MPP2: variants seen among roughly 807,000 people sequenced by gnomAD.
The protein encoded by MPP2 is MAGUK p55 scaffold protein 2.
Under a neutral mutation model 58.5 loss-of-function variants are expected in MPP2, and 42 were observed. The observed-to-expected ratio is 0.72, with a 90% CI of 0.56 to 0.93. The LOEUF is 0.93. MPP2 is among the 40% of genes least tolerant of loss of function. The pLI is 0.00. For missense variants in MPP2, 632 were observed against 760.4 expected (o/e 0.83, Z 1.99); for synonymous variants, 300 against 307.8 (o/e 0.97, Z 0.26).
chr17:43,895,055 G>C (rs2047787255), intron 3 of MPP2, among the ~76,000 whole-genome samples: 1 of 152,104 alleles, frequency 6.6e-6, no homozygotes, highest in South Asian at 2.1e-4. Flanking sequence ...CTGTGGGAAG[G>C]GAATGCAGTG....
chr17:43,876,214 C>T lies in MPP2; in HGVS notation c.*1593G>A, dbSNP rs1003250889. 17 of 152,592 alleles carry T rather than the reference C, an allele frequency of 1.1e-4. No individual in the cohort carries two copies. 9.5% of individuals were successfully genotyped at this position (152,592 alleles called of 1,614,324 possible). ...CTTCCCCTTCCCTAGGAAATGGGCACACAGTGGTTCAGGGGCCAGCTTTGG... is the reference window on the plus strand; with the variant it reads ...CTTCCCCTTCCCTAGGAAATGGGCATACAGTGGTTCAGGGGCCAGCTTTGG... On this transcript the variant is annotated 3_prime_UTR_variant, in exon 13 of 13. Transcript: ENST00000269095.
At chr17:43,902,549 T>C (rs1287658343) in intron 2 of MPP2, among the ~76,000 whole-genome samples, 1 of 152,158 alleles carries the variant, frequency 6.6e-6, no homozygotes, top group Non-Finnish European at 1.5e-5. Flanking sequence ...CCTCTGATGC[T>C]GCAGAAGCTG....
chr17:43,889,360 CTT>C (rs397748293), intron 3 of MPP2, among the ~76,000 whole-genome samples: 17 of 135,122 alleles, frequency 1.3e-4, no homozygotes, highest in Non-Finnish European at 1.1e-4. Context: ...AAATCACCAT[CTT>C]TTTTTTTTTT....
chr17:43,908,491 T>C (rs1372995837), upstream of MPP2, among the ~76,000 whole-genome samples: 1 of 152,126 alleles, frequency 6.6e-6, no homozygotes, highest in Non-Finnish European at 1.5e-5. Flanking sequence ...TCCCAACACT[T>C]TGGGAGTCGG....
chr17:43,900,532 G>A (rs1261124216), intron 2 of MPP2: 2 of 1,501,198 alleles, frequency 1.3e-6, no homozygotes, highest in Non-Finnish European at 1.8e-6. Flanking sequence ...AGGAGACCCC[G>A]CTGCCTGGGC....
intron 2 of MPP2, 59 bp downstream of exon 2, chr17:43,904,371 T>C: frequency 6.4e-7 from 1 of 1,568,306 alleles, no homozygotes; most frequent in Non-Finnish European, 8.8e-7. Context: ...CACCCCTAAG[T>C]CCTCGCCTGG....
At chr17:43,878,417 G>A (rs1425187379) in intron 12 of MPP2, among the ~76,000 whole-genome samples, 1 of 152,186 alleles carries the variant, frequency 6.6e-6, no homozygotes, top group African/African-American at 2.4e-5. Context: ...GCTGGTACCA[G>A]GGCAATCCAC....
rs1165307630 is a variant in MPP2 at position 43,879,062 on chromosome 17, G to C, written c.1482+213C>G. ...TCAGAAGCACATGTATCCCAGGCTA[G>C]GTGTGTGCCTGGCTCACTCTGAGAC... On this transcript the variant is annotated intron_variant, in intron 12 of 12. Coordinates refer to ENST00000269095, the MANE Select transcript of MPP2 (RefSeq NM_005374.5). This position sits in a 1 kb window ranked among gnomAD's most constrained non-coding sequence, Gnocchi z 4.1. 6.6e-6 allele frequency among the ~76,000 whole-genome samples: 1 copy of C among 152,158 alleles called. No individual in the cohort carries two copies. Among genetic ancestry groups the C allele is most frequent in the African/African-American group, 2.4e-5 (1 of 41,452 alleles).
chr17:43,882,408 T>A lies in MPP2; in HGVS notation c.557A>T (p.Lys186Met). 6.2e-7 allele frequency: 1 copy of A among 1,611,434 alleles called. No homozygotes were observed. The highest frequency in any genetic ancestry group is 8.5e-7 in the Non-Finnish European group (1 of 1,179,982). ...GCCCACTGGCTGCCCGTTCACCTCC[T>A]TGATGATGTCACCCACATGCAGCAG... ...QGLLHVGDIIKEVNGQPVGSD... is the reference protein window; with the variant it reads ...QGLLHVGDIIMEVNGQPVGSD... Residue 186 changes from lysine (K) to methionine (M), a missense_variant, in exon 6 of 13, where the codon AAG becomes ATG. Transcript: ENST00000269095.
At chr17:43,900,801 A>T (rs920419823) in intron 2 of MPP2, among the ~76,000 whole-genome samples, 1 of 152,060 alleles carries the variant, frequency 6.6e-6, no homozygotes, top group African/African-American at 2.4e-5. Context: ...CTAGTCCCAC[A>T]GATTGCCCGA....
In MPP2 at chr17:43,880,905, G is replaced by T; in HGVS notation, c.989-53C>A. The T allele has an allele frequency of 2.6e-6, 4 of 1,565,628 alleles. No individual in the cohort carries two copies. The highest frequency in any genetic ancestry group is 3.5e-6 in the Non-Finnish European group (4 of 1,153,468). On this transcript the variant is annotated intron_variant, in intron 9 of 12. Coordinates refer to ENST00000269095, the MANE Select transcript of MPP2 (RefSeq NM_005374.5). This position sits in a 1 kb window ranked among gnomAD's most constrained non-coding sequence, Gnocchi z 5.2. Reference sequence around the variant, plus strand: ...CCAGGCTGCACGGTGAGGGAGGGGCGGAGCTCTCAGGGAGGCTGAGGGCAA... The same window carrying T: ...CCAGGCTGCACGGTGAGGGAGGGGCTGAGCTCTCAGGGAGGCTGAGGGCAA...
rs2046825730 is a variant in MPP2 at position 43,876,280 on chromosome 17, T to C, written c.*1527A>G. ...AGACTAGTTAGACACTTGGAAGAAC[T>C]GGGAGGCACAAGGGTTTGGACTCAG... On this transcript the variant is annotated 3_prime_UTR_variant, in exon 13 of 13. Coordinates refer to ENST00000269095, the MANE Select transcript of MPP2 (RefSeq NM_005374.5). 6.6e-6 allele frequency: 1 copy of C among 152,642 alleles called. No homozygotes were observed. The highest frequency in any genetic ancestry group is 2.1e-4 in the South Asian group (1 of 4,826). The allele number at this position is 152,642 out of a possible 1,614,324, so 9.5% of individuals were successfully genotyped here.
At chr17:43,888,945 T>A (rs1393230772) in intron 3 of MPP2, among the ~76,000 whole-genome samples, 2 of 151,900 alleles carry the variant, frequency 1.3e-5, no homozygotes, top group African/African-American at 4.9e-5. Flanking sequence ...TTTTTTTTTT[T>A]AGACGGAGTC....
chr17:43,904,513 GGAT>G lies in MPP2; in HGVS notation c.-33-23_-33-21del. 6.2e-7 allele frequency: 1 copy of G among 1,610,850 alleles called. No individual in the cohort carries two copies. Among genetic ancestry groups the G allele is most frequent in the Non-Finnish European group, 8.5e-7 (1 of 1,177,324 alleles). On this transcript the variant is annotated intron_variant, in intron 1 of 12. Transcript: ENST00000269095. ...TCTCTCCTGGAGAGGGGAGAGAGGA[GGAT>G]GAGCAGATACAAGGGCAAAGCAATG...
intron 12 of MPP2, among the ~76,000 whole-genome samples, chr17:43,878,724 C>G (rs2046961263): frequency 6.6e-6 from 1 of 152,198 alleles, no homozygotes. Context: ...CAGAGGGACC[C>G]CTGCGCTCAG....
chr17:43,892,775 C>A (rs1442527092), intron 3 of MPP2, among the ~76,000 whole-genome samples: 2 of 152,150 alleles, frequency 1.3e-5, no homozygotes, highest in African/African-American at 4.8e-5. Context: ...AAAAACGTTT[C>A]CAGAGAAGGG....
chr17:43,878,049 G>C, intron 12 of MPP2, 66 bp from the exon 13 acceptor site: 3 of 1,509,330 alleles, frequency 2.0e-6, no homozygotes, highest in Non-Finnish European at 2.7e-6. Flanking sequence ...GTCAGAAGGA[G>C]CTACAGCTGC....
intron 3 of MPP2, among the ~76,000 whole-genome samples, chr17:43,896,069 C>A (rs1434316358): frequency 6.6e-6 from 1 of 152,154 alleles, no homozygotes; most frequent in Non-Finnish European, 1.5e-5. Flanking sequence ...TCCTCCACAT[C>A]CCATGCCAGG....
rs2047304037 is a variant in MPP2 at position 43,884,958 on chromosome 17, T to C, written c.151-1603A>G. Among the ~76,000 whole-genome samples, 5 of 152,156 alleles carry C rather than the reference T, an allele frequency of 3.3e-5. 1 individual carries two copies. The South Asian group carries it at 1.0e-3, about 32-fold the overall frequency. ...CAACATGGTGAAACCCCGTTTCTAC[T>C]ACAGATATAAAAAATTAGCCTAGCA... On this transcript the variant is annotated intron_variant, in intron 3 of 12. Coordinates refer to ENST00000269095, the MANE Select transcript of MPP2 (RefSeq NM_005374.5).
Sources: gnomAD v4.1 joint callset for allele counts (sites outside exome capture counted in the v4.1 genomes callset) on GRCh38, gnomAD v4.1.1 for gene constraint, Gnocchi (gnomAD v3.1) non-coding constraint, MANE v1.5 for transcripts, NCBI Gene and HGNC (gene_info 2026-07-23, HGNC 2026-07-21) for gene names.